SCEL: variants seen among roughly 807,000 people sequenced by gnomAD.
SCEL encodes sciellin.
A neutral mutation model predicts 117.6 loss-of-function variants in SCEL; 113 were observed. The ratio of observed to expected loss-of-function variants is 0.96; its 90% CI spans 0.83 to 1.12. The LOEUF (loss-of-function observed/expected upper bound fraction) is 1.12, where lower values mean the gene tolerates loss of function less well. Ranked by LOEUF, SCEL falls within the 50% of genes most tolerant of loss-of-function variation. SCEL has a pLI of 0.00. For missense variants in SCEL, 785 were observed against 810.8 expected, an observed-to-expected ratio of 0.97 and a Z score of 0.39; for synonymous variants, 270 against 256.2, an observed-to-expected ratio of 1.05 and a Z score of -0.51.
chr13:77,586,615 A>G (rs1158168590), intron 9 of SCEL, among the ~76,000 whole-genome samples: 4 of 152,068 alleles, frequency 2.6e-5, no homozygotes, highest in Non-Finnish European at 2.9e-5. Context: ...GGTAAATCCA[A>G]CTCTCAGTCT....
chr13:77,644,411 G>A lies in SCEL; in HGVS notation c.*137G>A, dbSNP rs540745135. 8.5e-6 allele frequency: 7 copies of A among 825,708 alleles called. No homozygotes were observed. Among genetic ancestry groups the A allele is most frequent in the Non-Finnish European group, 1.4e-5 (7 of 518,506 alleles). The allele number at this position is 825,708 out of a possible 1,614,324, so 51.1% of individuals were successfully genotyped here. Reference sequence around the variant, plus strand: ...GTACAAAATTAACAATTCTGTTATTGCATAAGTAATCTAATTGTCTTCAAT... The same window carrying A: ...GTACAAAATTAACAATTCTGTTATTACATAAGTAATCTAATTGTCTTCAAT... On this transcript the variant is annotated 3_prime_UTR_variant, in exon 33 of 33. Coordinates refer to ENST00000349847, the MANE Select transcript of SCEL (RefSeq NM_144777.3).
chr13:77,539,956 T>A (rs1290053489), intron 1 of SCEL, among the ~76,000 whole-genome samples: 1 of 152,042 alleles, frequency 6.6e-6, no homozygotes, highest in East Asian at 1.9e-4. Flanking sequence ...AATGTATGTA[T>A]CAGAAAAACA....
intron 28 of SCEL, among the ~76,000 whole-genome samples, chr13:77,631,418 C>T (rs1477659427): frequency 6.6e-6 from 1 of 152,130 alleles, no homozygotes; most frequent in East Asian, 1.9e-4. Context: ...GATATGATAT[C>T]CTGGATTGGA....
intron 11 of SCEL, among the ~76,000 whole-genome samples, chr13:77,593,254 AG>A (rs66818286): frequency 0.13 from 16,683 of 125,730 alleles, 1,086 homozygotes; most frequent in Non-Finnish European, 0.16. Context: ...GGAATAACAG[AG>A]GGGAGTGTGT....
intron 24 of SCEL, among the ~76,000 whole-genome samples, chr13:77,617,181 T>C (rs1258822669): frequency 1.3e-5 from 2 of 152,100 alleles, no homozygotes; most frequent in Admixed American, 6.6e-5. Context: ...GCTGGACCTG[T>C]CTTTGCTAAG....
At chr13:77,605,313 C>T (rs1197692155) in intron 19 of SCEL, among the ~76,000 whole-genome samples, 1 of 152,094 alleles carries the variant, frequency 6.6e-6, no homozygotes, top group African/African-American at 2.4e-5. Context: ...TCATGCCTGC[C>T]CTGTTTGTGT....
rs768240167 is a variant in SCEL at position 77,599,752 on chromosome 13, A to C, written c.917+4A>C. The C allele has an allele frequency of 1.1e-5, 17 of 1,597,836 alleles. No homozygotes were observed. The highest frequency in any genetic ancestry group is 1.7e-5 in the Admixed American group (1 of 59,970). On this transcript the variant is annotated splice_donor_region_variant and intron_variant, in intron 15 of 32. Transcript: ENST00000349847. ...GGACAGATAAAGATGGCAAAGGGTA[A>C]GATTTTATTAAGACAGACCATTTTG...
At position 77,572,184 on chromosome 13, in the gene SCEL, G is replaced by A; in HGVS notation, c.540G>A (p.Arg180=). The change falls in exon 9 of 33, where the codon AGG becomes AGA. Residue 180 remains arginine, a synonymous_variant. Transcript: ENST00000349847. ...GYNASSSTGT[R]RREPGVHPPI... ...ATGCCTCCTCGAGCACAGGAACCAGGAGACGGTAAGGGAAAGGTGTCAGGC... is the reference window on the plus strand; with the variant it reads ...ATGCCTCCTCGAGCACAGGAACCAGAAGACGGTAAGGGAAAGGTGTCAGGC... 1 of 1,611,082 alleles carries A rather than the reference G, an allele frequency of 6.2e-7. No individual in the cohort carries two copies. Among genetic ancestry groups the A allele is most frequent in the Middle Eastern group, 1.7e-4 (1 of 6,058 alleles).
At chr13:77,556,868 G>A (rs1218632862) in intron 3 of SCEL, among the ~76,000 whole-genome samples, 155 bp downstream of exon 3, 1 of 152,122 alleles carries the variant, frequency 6.6e-6, no homozygotes, top group Non-Finnish European at 1.5e-5. Context: ...GCACAAATAG[G>A]TTACATATCA....
intron 29 of SCEL, among the ~76,000 whole-genome samples, chr13:77,635,061 T>A (rs925526131): frequency 2.0e-5 from 3 of 152,190 alleles, no homozygotes; most frequent in African/African-American, 7.2e-5. Context: ...ACATGACCCA[T>A]ATGTTAAGCT....
chr13:77,602,734 T>C (rs1422531975), intron 17 of SCEL, 21 bp downstream of exon 17: 5 of 1,599,282 alleles, frequency 3.1e-6, no homozygotes, highest in African/African-American at 2.7e-5. Flanking sequence ...AACAGATGTC[T>C]CTAAATATTG....
At chr13:77,582,106 T>A (rs2086294298) in intron 9 of SCEL, among the ~76,000 whole-genome samples, 1 of 152,188 alleles carries the variant, frequency 6.6e-6, no homozygotes, top group Admixed American at 6.5e-5. Flanking sequence ...TCCTCTCATC[T>A]CTCTGTCTCC....
Position 77,559,971 on chromosome 13 carries a change from C to CAAG in SCEL, c.221+108_221+109insAAG, listed in dbSNP as rs1413975286. 10 of 933,116 alleles carry CAAG rather than the reference C, an allele frequency of 1.1e-5. No individual in the cohort carries two copies. The African/African-American group carries it at 1.6e-4, about 15-fold the overall frequency. The allele number at this position is 933,116 out of a possible 1,614,324, so 57.8% of individuals were successfully genotyped here. A position where few individuals can be genotyped will look rare whatever the true frequency, so the allele number is the denominator to read the frequency against. On this transcript the variant is annotated intron_variant, in intron 4 of 32. Transcript: ENST00000349847. ...ATTTGCAGCATGCCTTGGGCTTTCC[C>CAAG]CGATGTTCTGGGCATGTGAAGGAGA...
intron 9 of SCEL, among the ~76,000 whole-genome samples, chr13:77,584,811 T>C (rs371216737): frequency 3.3e-5 from 5 of 152,266 alleles, no homozygotes; most frequent in African/African-American, 1.2e-4. Flanking sequence ...ACAGATACAC[T>C]AAAGACTGTA....
chr13:77,576,237 T>C (rs2085934126), intron 9 of SCEL, among the ~76,000 whole-genome samples: 1 of 152,198 alleles, frequency 6.6e-6, no homozygotes, highest in Admixed American at 6.5e-5. Flanking sequence ...CTGTATGATC[T>C]TGTGACCCTT....
intron 1 of SCEL, among the ~76,000 whole-genome samples, chr13:77,555,122 G>A (rs1458417430): frequency 6.6e-6 from 1 of 152,122 alleles, no homozygotes; most frequent in Non-Finnish European, 1.5e-5. Flanking sequence ...AAATTTGTGT[G>A]TGTGTGTATG....
chr13:77,581,089 T>C (rs1485038828), intron 9 of SCEL, among the ~76,000 whole-genome samples: 2 of 152,214 alleles, frequency 1.3e-5, no homozygotes, highest in Non-Finnish European at 2.9e-5. Flanking sequence ...TTTGATGTCA[T>C]GCTAAATAAA....
intron 30 of SCEL, among the ~76,000 whole-genome samples, chr13:77,638,458 A>AT (rs1483933179): frequency 2.6e-5 from 4 of 152,240 alleles, no homozygotes; most frequent in African/African-American, 4.8e-5. Flanking sequence ...TAGTACCAAC[A>AT]TCAGTGCATT....
chr13:77,556,030 T>C (rs1192428990), intron 2 of SCEL, 112 bp downstream of exon 2: 2 of 724,014 alleles, frequency 2.8e-6, no homozygotes, highest in Non-Finnish European at 4.6e-6. Context: ...AACAGTCTAA[T>C]TTAATTAGCA....
Sources: gnomAD v4.1 joint callset for allele counts (sites outside exome capture counted in the v4.1 genomes callset) on GRCh38, gnomAD v4.1.1 for gene constraint, MANE v1.5 for transcripts, NCBI Gene and HGNC (gene_info 2026-07-23, HGNC 2026-07-21) for gene names.